Variants in XCR1 observed in about 807,000 individuals in gnomAD.
XCR1 encodes the protein chemokine XC receptor 1.
For synonymous variants in XCR1, 187 were observed against 188.5 expected, an observed-to-expected ratio of 0.99 and a Z score of 0.06; for missense variants, 356 against 424.2, an observed-to-expected ratio of 0.84 and a Z score of 1.41.
At chr3:46,050,269 G>C (rs1185914825) in intron 5 of XCR1, among the ~76,000 whole-genome samples, 2 of 152,210 alleles carry the variant, frequency 1.3e-5, no homozygotes, top group African/African-American at 2.4e-5. Flanking sequence ...CTCCTTGCAG[G>C]GTTTGGTAAA....
chr3:46,020,975 A>C lies in XCR1; in HGVS notation c.973T>G (p.Phe325Val), dbSNP rs780048594. 6 of 1,612,514 alleles carry C rather than the reference A, an allele frequency of 3.7e-6. No individual in the cohort carries two copies. The highest frequency in any genetic ancestry group is 5.1e-6 in the Non-Finnish European group (6 of 1,179,272). ...TAGAAGGAGGCGCCCTCATAGGCGAAGGCACCAGGGGAGTGGGGGATCGAG... is the reference window on the plus strand; with the variant it reads ...TAGAAGGAGGCGCCCTCATAGGCGACGGCACCAGGGGAGTGGGGGATCGAG... ...PASIPHSPGAFAYEGASFY is the reference protein window; with the variant it reads ...PASIPHSPGAVAYEGASFY Residue 325 changes from phenylalanine to valine, a missense_variant, in exon 2 of 2, where the codon TTC (phenylalanine) becomes GTC (valine). Phe to Val is a conservative substitution (Grantham distance 50, BLOSUM62 -1). Transcript: ENST00000309285.
intron 5 of XCR1, among the ~76,000 whole-genome samples, chr3:46,035,047 C>A (rs1420151067): frequency 1.3e-5 from 2 of 150,810 alleles, no homozygotes; most frequent in East Asian, 3.9e-4. Context: ...CTCTTCCTCC[C>A]AGGTTCAAGT....
At chr3:46,034,151 T>G (rs1467419865) in intron 5 of XCR1, among the ~76,000 whole-genome samples, 4 of 152,088 alleles carry the variant, frequency 2.6e-5, no homozygotes, top group African/African-American at 9.7e-5. Flanking sequence ...TTTTTGTATT[T>G]TTAGTAGACG....
chr3:46,070,015 T>C (rs1698139935), intron 3 of XCR1, among the ~76,000 whole-genome samples: 1 of 152,058 alleles, frequency 6.6e-6, no homozygotes, highest in African/African-American at 2.4e-5. Context: ...TTCATTCATC[T>C]CAAAAAATTT....
intron 5 of XCR1, among the ~76,000 whole-genome samples, chr3:46,043,070 T>G (rs972219783): frequency 1.3e-5 from 2 of 152,254 alleles, no homozygotes; most frequent in African/African-American, 4.8e-5. Context: ...AAGGATAAAA[T>G]CATGTGATCA....
At chr3:46,056,005 T>G (rs1418174394) in intron 4 of XCR1, among the ~76,000 whole-genome samples, 1 of 152,158 alleles carries the variant, frequency 6.6e-6, no homozygotes, top group African/African-American at 2.4e-5. Context: ...GTCTCAGGTT[T>G]CTAGGGCTTG....
chr3:46,076,967 C>G (rs1698271291), intron 1 of XCR1, among the ~76,000 whole-genome samples: 1 of 152,100 alleles, frequency 6.6e-6, no homozygotes, highest in East Asian at 1.9e-4. Context: ...GAATACAAAC[C>G]CCTTTAATAT....
chr3:46,069,497 C>T (rs374206480), intron 3 of XCR1, among the ~76,000 whole-genome samples: 1 of 152,228 alleles, frequency 6.6e-6, no homozygotes, highest in East Asian at 1.9e-4. Context: ...ATGGTAACCT[C>T]CTCTATCTCC....
chr3:46,074,195 G>A (rs927866075), intron 3 of XCR1, among the ~76,000 whole-genome samples: 2 of 141,472 alleles, frequency 1.4e-5, no homozygotes, highest in Non-Finnish European at 3.0e-5. Flanking sequence ...GCAGCAACAC[G>A]AATGGAACTG....
At chr3:46,067,120 T>A (rs1698091543) in intron 3 of XCR1, among the ~76,000 whole-genome samples, 1 of 151,826 alleles carries the variant, frequency 6.6e-6, no homozygotes, top group Non-Finnish European at 1.5e-5. Context: ...GTGCTGGGGG[T>A]TCAAAAAGGA....
upstream of XCR1, among the ~76,000 whole-genome samples, chr3:46,031,241 G>A (rs1361301214): frequency 6.6e-6 from 1 of 152,222 alleles, no homozygotes; most frequent in Admixed American, 6.5e-5. Context: ...CAGCCACCCT[G>A]CTGTAGCTAT....
At chr3:46,054,331 T>C (rs1697811063) in intron 4 of XCR1, among the ~76,000 whole-genome samples, 1 of 152,152 alleles carries the variant, frequency 6.6e-6, no homozygotes, top group Non-Finnish European at 1.5e-5. Flanking sequence ...CAGGAAGCGA[T>C]TGCCCTCAGC....
intron 5 of XCR1, among the ~76,000 whole-genome samples, chr3:46,035,898 T>C (rs2088693): frequency 0.22 from 33,670 of 151,870 alleles, 5,127 homozygotes; most frequent in African/African-American, 0.42. Flanking sequence ...GATAGCAGGA[T>C]GTGCTCCTCT....
intron 3 of XCR1, among the ~76,000 whole-genome samples, chr3:46,073,904 A>G (rs1220401326): frequency 2.0e-5 from 3 of 151,172 alleles, no homozygotes; most frequent in Non-Finnish European, 2.9e-5. Flanking sequence ...CAGAATGGCA[A>G]TTAAAAAAAA....
intron 1 of XCR1, among the ~76,000 whole-genome samples, chr3:46,026,971 C>T (rs1708305032): frequency 6.6e-6 from 1 of 151,796 alleles, no homozygotes; most frequent in South Asian, 2.1e-4. Context: ...ATCTCAACCT[C>T]CTGAGCTCAA....
At chr3:46,063,299 G>A (rs552824698) in intron 4 of XCR1, among the ~76,000 whole-genome samples, 12 of 152,184 alleles carry the variant, frequency 7.9e-5, no homozygotes, top group Non-Finnish European at 1.3e-4. Context: ...CTAGGCCTGA[G>A]CACATAGGAG....
At chr3:46,050,754 G>A (rs1007366864) in intron 5 of XCR1, among the ~76,000 whole-genome samples, 2 of 152,094 alleles carry the variant, frequency 1.3e-5, no homozygotes, top group African/African-American at 4.8e-5. Context: ...CATCCTTCTC[G>A]TGTAAGGAGG....
chr3:46,077,588 C>G (rs1019680981), intron 1 of XCR1, among the ~76,000 whole-genome samples: 8 of 152,100 alleles, frequency 5.3e-5, no homozygotes, highest in African/African-American at 1.9e-4. Context: ...CCCTACTCCT[C>G]CTAGGTCTGT....
At chr3:46,040,360 A>G (rs1198067263) in intron 5 of XCR1, among the ~76,000 whole-genome samples, 1 of 152,200 alleles carries the variant, frequency 6.6e-6, no homozygotes, top group African/African-American at 2.4e-5. Context: ...TTCAAGTTCC[A>G]AATTCAGTCT....
Sources: gnomAD v4.1 joint callset for allele counts (sites outside exome capture counted in the v4.1 genomes callset) on GRCh38, gnomAD v4.1.1 for gene constraint, MANE v1.5 for transcripts, NCBI Gene and HGNC (gene_info 2026-07-23, HGNC 2026-07-21) for gene names.